Variants in DPP6 observed in about 807,000 individuals in gnomAD.
DPP6 encodes the protein dipeptidyl peptidase like 6, also known as A-type potassium channel modulatory protein DPP6.
A neutral mutation model predicts 122.6 loss-of-function variants in DPP6; 69 were observed. That is an observed-to-expected ratio of 0.56 (90% confidence interval 0.46 to 0.69). DPP6 has a LOEUF of 0.69. DPP6 is among the 30% of genes least tolerant of loss of function. DPP6 has a pLI of 0.00. For missense variants in DPP6, 928 were observed against 1,116.9 expected (o/e 0.83, Z 2.41); for synonymous variants, 418 against 433.1 (o/e 0.97, Z 0.43).
intron 1 of DPP6, among the ~76,000 whole-genome samples, chr7:154,266,320 CT>C (rs1803416582): frequency 6.6e-6 from 1 of 152,142 alleles, no homozygotes; most frequent in African/African-American, 2.4e-5. Flanking sequence ...GGGTTACAGT[CT>C]TATTCACCAA....
chr7:153,760,093 A>C, the DPP6 span, among the ~76,000 whole-genome samples: 167 of 152,182 alleles, frequency 1.1e-3, no homozygotes, highest in Middle Eastern at 3.4e-3. Flanking sequence ...TGCTTTGCTC[A>C]TTTTTAAATT....
chr7:154,127,539 C>T (rs1807976295), intron 1 of DPP6, among the ~76,000 whole-genome samples: 3 of 151,268 alleles, frequency 2.0e-5, no homozygotes, highest in Admixed American at 2.0e-4. Flanking sequence ...CTGCTATCTG[C>T]TGTTGCCTCC....
chr7:153,755,773 T>A, the DPP6 span, among the ~76,000 whole-genome samples: 3 of 152,164 alleles, frequency 2.0e-5, no homozygotes, highest in Non-Finnish European at 4.4e-5. Context: ...ACTTTCCAAG[T>A]GAGTCCTCTT....
intron 1 of DPP6, among the ~76,000 whole-genome samples, chr7:154,108,593 A>T (rs761058505): frequency 6.6e-6 from 1 of 152,202 alleles, no homozygotes; most frequent in African/African-American, 2.4e-5. Context: ...TGTGAGCTGA[A>T]CTTAATCAAG....
intron 1 of DPP6, among the ~76,000 whole-genome samples, chr7:153,997,686 CA>C (rs1351982638): frequency 6.7e-6 from 1 of 148,706 alleles, no homozygotes; most frequent in Non-Finnish European, 1.5e-5. Context: ...AAAATTAAGG[CA>C]TCCAACAATC....
At chr7:154,510,766 A>G (rs1826005698) in intron 3 of DPP6, among the ~76,000 whole-genome samples, 1 of 152,098 alleles carries the variant, frequency 6.6e-6, no homozygotes, top group Non-Finnish European at 1.5e-5. Context: ...TAAGAGGGTA[A>G]GGAGGTTGAA....
At chr7:154,578,209 T>C (rs1831810603) in intron 5 of DPP6, among the ~76,000 whole-genome samples, 1 of 152,206 alleles carries the variant, frequency 6.6e-6, no homozygotes, top group East Asian at 1.9e-4. Flanking sequence ...CAAATAGACT[T>C]TCCAGAATGT....
At chr7:154,002,007 G>A (rs1169252176) in intron 1 of DPP6, among the ~76,000 whole-genome samples, 1 of 152,006 alleles carries the variant, frequency 6.6e-6, no homozygotes, top group Admixed American at 6.6e-5. Flanking sequence ...TACCATTTAC[G>A]TATTTGAACT....
Position 154,771,302 on chromosome 7 carries a change from C to G in DPP6, c.1039-1543C>G, listed in dbSNP as rs1796236220. On this transcript the variant is annotated intron_variant, in intron 9 of 25. Transcript: ENST00000377770. ...GCTTAAACAGCAGGAATTTCTTTCT[C>G]ACAGTTTTGGCAGCTGGAAGTCCAA... Among the ~76,000 whole-genome samples the G allele has an allele frequency of 2.0e-5, 3 of 152,302 alleles. No homozygotes were observed. The South Asian group carries it at 6.2e-4, about 32-fold the overall frequency.
At chr7:154,228,942 C>A (rs1399200499) in intron 1 of DPP6, among the ~76,000 whole-genome samples, 1 of 152,064 alleles carries the variant, frequency 6.6e-6, no homozygotes, top group Non-Finnish European at 1.5e-5. Context: ...TCAAATGGAG[C>A]CAAATCAGTA....
chr7:154,561,824 A>G (rs1345183187), intron 4 of DPP6, among the ~76,000 whole-genome samples: 1 of 152,216 alleles, frequency 6.6e-6, no homozygotes, highest in Non-Finnish European at 1.5e-5. Flanking sequence ...AAACATATTA[A>G]TAATTTGGAC....
intron 1 of DPP6, among the ~76,000 whole-genome samples, chr7:154,325,047 A>G (rs1167592077): frequency 2.0e-5 from 3 of 151,662 alleles, no homozygotes; most frequent in Non-Finnish European, 4.4e-5. Context: ...TTATATTTTT[A>G]GTAGAGACAA....
At chr7:154,733,779 G>T (rs1430486239) in intron 8 of DPP6, among the ~76,000 whole-genome samples, 1 of 152,120 alleles carries the variant, frequency 6.6e-6, no homozygotes, top group African/African-American at 2.4e-5. Flanking sequence ...TCCACAGGGG[G>T]CACATTCACC....
intron 6 of DPP6, among the ~76,000 whole-genome samples, chr7:154,651,144 ATACTAGCACTGCACTAGG>A (rs1417896021): frequency 5.3e-5 from 8 of 152,218 alleles, no homozygotes; most frequent in South Asian, 2.1e-4. Flanking sequence ...ACTGCACTAG[ATACTAGCACTGCACTAGG>A]TACTAGCACT....
intron 1 of DPP6, among the ~76,000 whole-genome samples, chr7:154,060,345 C>G (rs1471663938): frequency 9.0e-6 from 1 of 111,714 alleles, no homozygotes; most frequent in Admixed American, 8.2e-5. Flanking sequence ...AGGCACCCCC[C>G]GCGAGGCAGG....
intron 6 of DPP6, among the ~76,000 whole-genome samples, chr7:154,664,364 TC>T (rs774281749): frequency 3.9e-5 from 6 of 152,232 alleles, no homozygotes; most frequent in Non-Finnish European, 8.8e-5. Flanking sequence ...GAAAAGTTAA[TC>T]CCCTGCTGTT....
At chr7:154,273,817 C>T (rs759292210) in intron 1 of DPP6, among the ~76,000 whole-genome samples, 7 of 152,158 alleles carry the variant, frequency 4.6e-5, no homozygotes, top group Non-Finnish European at 5.9e-5. Context: ...TACAGCAGCA[C>T]CAACAATTAG....
At chr7:153,896,509 A>G (rs552272319) in intron 1 of DPP6, among the ~76,000 whole-genome samples, 154 of 152,280 alleles carry the variant, frequency 1.0e-3, no homozygotes, top group African/African-American at 3.5e-3. Context: ...CACATGAACA[A>G]TTTATCTTTA....
At chr7:154,648,286 C>G (rs1836634978) in intron 6 of DPP6, among the ~76,000 whole-genome samples, 1 of 151,196 alleles carries the variant, frequency 6.6e-6, no homozygotes, top group East Asian at 1.9e-4. Flanking sequence ...AAAAAAATCA[C>G]TGAGCCCCTC....
Sources: allele counts gnomAD v4.1 joint callset (sites outside exome capture counted in the v4.1 genomes callset), GRCh38; gene constraint gnomAD v4.1.1; transcripts MANE v1.5; gene names NCBI Gene and HGNC (gene_info 2026-07-23, HGNC 2026-07-21).